Variants in MACC1 observed in about 807,000 individuals in gnomAD.
MACC1 encodes the protein MET transcriptional regulator MACC1, also known as metastasis-associated in colon cancer protein 1.
Under a neutral mutation model 70.7 loss-of-function variants are expected in MACC1, and 79 were observed. The ratio of observed to expected loss-of-function variants is 1.12; its 90% CI spans 0.93 to 1.35. The LOEUF (loss-of-function observed/expected upper bound fraction) is 1.35, where lower values mean the gene tolerates loss of function less well. Among genes scored for constraint, MACC1 ranks in the 40% most tolerant of loss-of-function variants. MACC1 has a pLI of 0.00. For synonymous variants in MACC1, 361 were observed against 347.2 expected (o/e 1.04, Z -0.44); for missense variants, 1,106 against 978.1 (o/e 1.13, Z -1.74).
chr7:20,192,044 T>G (rs1228219380), intron 1 of MACC1, among the ~76,000 whole-genome samples: 3 of 152,170 alleles, frequency 2.0e-5, no homozygotes, highest in Non-Finnish European at 4.4e-5. Flanking sequence ...TGTAATATAT[T>G]TAATATAACT....
chr7:20,178,284 CA>C lies in MACC1; in HGVS notation c.-217-7507del, dbSNP rs1425009347. Among the ~76,000 whole-genome samples the C allele has an allele frequency of 4.1e-4, 63 of 152,008 alleles. 1 individual carries two copies. Among genetic ancestry groups the C allele is most frequent in the East Asian group, 1.5e-3 (8 of 5,174 alleles). On this transcript the variant is annotated intron_variant, in intron 1 of 6. Coordinates refer to ENST00000400331, the MANE Select transcript of MACC1 (RefSeq NM_182762.4). ...TTTCACACACACACACACACACACA[CA>C]CACACACACACACTCCAGAGAATAA...
intron 1 of MACC1, among the ~76,000 whole-genome samples, chr7:20,182,640 G>A (rs539784053): frequency 6.6e-5 from 10 of 152,234 alleles, no homozygotes; most frequent in South Asian, 2.1e-4. Context: ...CAAACAGTGC[G>A]AAGAGTTGCC....
At chr7:20,204,129 T>G (rs921829935) in intron 1 of MACC1, among the ~76,000 whole-genome samples, 1 of 152,202 alleles carries the variant, frequency 6.6e-6, no homozygotes, top group African/African-American at 2.4e-5. Flanking sequence ...CCTGAATTTA[T>G]TGCTCAATTT....
chr7:20,178,257 TATTTCACACACACA>T (rs542861841), intron 1 of MACC1, among the ~76,000 whole-genome samples: 101 of 98,490 alleles, frequency 1.0e-3, no homozygotes, highest in African/African-American at 3.7e-3. Context: ...ATGTTAATCT[TATTTCACACACACA>T]CACACACACA....
chr7:20,165,554 G>A (rs1181539423), intron 2 of MACC1, among the ~76,000 whole-genome samples: 2 of 149,988 alleles, frequency 1.3e-5, no homozygotes, highest in Non-Finnish European at 3.0e-5. Context: ...AAAAATCCTC[G>A]ACTGGAAGGA....
At chr7:20,184,400 C>T (rs1464312823) in intron 1 of MACC1, among the ~76,000 whole-genome samples, 2 of 152,180 alleles carry the variant, frequency 1.3e-5, no homozygotes, top group Non-Finnish European at 2.9e-5. Flanking sequence ...CCTAACTCAC[C>T]CTCCCAGTCT....
intron 1 of MACC1, among the ~76,000 whole-genome samples, chr7:20,200,308 T>A (rs879266045): frequency 6.6e-6 from 1 of 152,050 alleles, no homozygotes; most frequent in Admixed American, 6.6e-5. Context: ...CAGTTATAGA[T>A]AAAGAGATAA....
chr7:20,171,546 G>T (rs956640156), intron 1 of MACC1, among the ~76,000 whole-genome samples: 2 of 150,578 alleles, frequency 1.3e-5, no homozygotes, highest in Admixed American at 6.6e-5. Context: ...GAGCCACCAC[G>T]CCCGGCTGAT....
intron 1 of MACC1, chr7:20,198,595 T>C (rs1021460570): frequency 2.0e-5 from 3 of 152,280 alleles, no homozygotes; most frequent in African/African-American, 7.2e-5. Context: ...GCTCCTGGTC[T>C]GCCCCTGGTC....
rs1781722782 is a variant in MACC1, at chr7:20,136,782, T to A, written c.*4164A>T. The A allele has an allele frequency of 6.6e-6, 1 of 151,720 alleles. No homozygotes were observed. The highest frequency in any genetic ancestry group is 2.4e-5 in the African/African-American group (1 of 41,372). The allele number at this position is 151,720 out of a possible 1,614,324, so 9.4% of individuals were successfully genotyped here. ...GGAGGAGGGACTTACTTCTCCTCCT[T>A]GCGATTATTATTGCGATTAAGGATT... On this transcript the variant is annotated 3_prime_UTR_variant, in exon 7 of 7. Transcript: ENST00000400331.
At chr7:20,162,280 A>C (rs764212076) in intron 3 of MACC1, among the ~76,000 whole-genome samples, 1 of 152,124 alleles carries the variant, frequency 6.6e-6, no homozygotes, top group African/African-American at 2.4e-5. Context: ...CAGTTCCATG[A>C]AAAATTGCAC....
At chr7:20,178,419 T>C (rs756582544) in intron 1 of MACC1, among the ~76,000 whole-genome samples, 1 of 152,174 alleles carries the variant, frequency 6.6e-6, no homozygotes, top group Non-Finnish European at 1.5e-5. Context: ...ACCTTCAACA[T>C]TTTGAAGACA....
chr7:20,186,464 T>C (rs1048366752), intron 1 of MACC1, among the ~76,000 whole-genome samples: 2 of 151,804 alleles, frequency 1.3e-5, no homozygotes, highest in Non-Finnish European at 2.9e-5. Context: ...TAGGGCACCA[T>C]AAAAAATGTA....
In MACC1 at chr7:20,159,588, G is replaced by A; in HGVS notation, c.773C>T (p.Pro258Leu). Residue 258 changes from proline to leucine, a missense_variant, in exon 5 of 7, where the codon CCA (proline) becomes CTA (leucine). By Grantham distance (98) the Pro-to-Leu change is moderately conservative. Coordinates refer to ENST00000400331, the MANE Select transcript of MACC1 (RefSeq NM_182762.4). ...CGAAAGATCATGGTTAAGCATGTGT[G>A]GCGGATCAAGGAAAGCCCTTAGAGA... ...EVSLRAFLDP[P>L]HMLNHDLSCT... 2 of 1,614,128 alleles carry A rather than the reference G, an allele frequency of 1.2e-6. No homozygotes were observed. The highest frequency in any genetic ancestry group is 1.7e-6 in the Non-Finnish European group (2 of 1,180,030).
At position 20,140,884 on chromosome 7, in the gene MACC1, G is replaced by GACACACACAGAC. The variant is rs1562578277; in HGVS notation, c.*61_*62insGTCTGTGTGTGT. ...ACAGAGACACACACAGACACACACA[G>GACACACACAGAC]ACACACACACACACACACCATTACC... On this transcript the variant is annotated 3_prime_UTR_variant, in exon 7 of 7. Coordinates refer to ENST00000400331, the MANE Select transcript of MACC1 (RefSeq NM_182762.4). 5.1e-6 allele frequency: 5 copies of GACACACACAGAC among 984,886 alleles called. No homozygotes were observed. In the East Asian group the frequency reaches 1.1e-4, roughly 22 times the overall value. 61.0% of individuals were successfully genotyped at this position (984,886 alleles called of 1,614,324 possible). A position where few individuals can be genotyped will look rare whatever the true frequency, so the allele number is the denominator to read the frequency against.
chr7:20,144,348 A>AT (rs1385545066), intron 6 of MACC1, among the ~76,000 whole-genome samples: 3 of 152,190 alleles, frequency 2.0e-5, no homozygotes, highest in Non-Finnish European at 4.4e-5. Context: ...AATTACTTGC[A>AT]TATTTTAAAT....
chr7:20,189,253 A>G (rs1446598956), intron 1 of MACC1, among the ~76,000 whole-genome samples: 1 of 152,224 alleles, frequency 6.6e-6, no homozygotes, highest in Non-Finnish European at 1.5e-5. Flanking sequence ...CACAAAATAC[A>G]ATATGCTATA....
chr7:20,159,042 C>T lies in MACC1; in HGVS notation c.1319G>A (p.Cys440Tyr), dbSNP rs1355001463. Residue 440 changes from cysteine (C) to tyrosine (Y), a missense_variant, in exon 5 of 7, where the codon TGT becomes TAT. Cys to Tyr is a radical substitution (Grantham distance 194). Transcript: ENST00000400331. ...PQDLSISIFS[C>Y]DPDFEVKTEG... ...TGTCTTTACTTCAAAATCAGGATCA[C>T]AGGAAAAAATAGAAATACTTAAATC... 1.2e-6 allele frequency: 2 copies of T among 1,613,586 alleles called. No homozygotes were observed. The highest frequency in any genetic ancestry group is 1.1e-5 in the South Asian group (1 of 90,978).
intron 5 of MACC1, among the ~76,000 whole-genome samples, chr7:20,156,378 C>T (rs1782055276): frequency 6.6e-6 from 1 of 152,112 alleles, no homozygotes; most frequent in Non-Finnish European, 1.5e-5. Flanking sequence ...GCTTGAGGCA[C>T]TCTGGTAATT....
Sources: gnomAD v4.1 joint callset for allele counts (sites outside exome capture counted in the v4.1 genomes callset) on GRCh38, gnomAD v4.1.1 for gene constraint, MANE v1.5 for transcripts, NCBI Gene and HGNC (gene_info 2026-07-23, HGNC 2026-07-21) for gene names.